The following MRPL28 variants were observed in gnomAD, a reference collection of about 807,000 sequenced individuals.
The protein encoded by MRPL28 is mitochondrial ribosomal protein L28.
A neutral mutation model predicts 26.2 loss-of-function variants in MRPL28; 25 were observed. The observed-to-expected ratio is 0.95, with a 90% CI of 0.69 to 1.33. The LOEUF (loss-of-function observed/expected upper bound fraction) is 1.33. Ranked by LOEUF, MRPL28 falls within the 40% of genes most tolerant of loss-of-function variation. The pLI is 0.00. For synonymous variants in MRPL28, 227 were observed against 140.1 expected (o/e 1.62, Z -4.38); for missense variants, 432 against 327.2 (o/e 1.32, Z -2.47).
In MRPL28 at chr16:367,650, G is replaced by T; in HGVS notation, c.*25C>A. 1.3e-6 allele frequency: 2 copies of T among 1,586,388 alleles called. No individual in the cohort carries two copies. The highest frequency in any genetic ancestry group is 1.3e-5 in the African/African-American group (1 of 74,354). ...CCTGGCAGGGAAAGCTGGGCCTGTT[G>T]GTCAGGCATGGAGGAGCTGTGTGGT... is the stretch of plus-strand genomic sequence containing the variant. On this transcript the variant is annotated 3_prime_UTR_variant, in exon 6 of 6. Transcript: ENST00000199706.
chr16:369,286 C>G lies in MRPL28; in HGVS notation c.289-66G>C, dbSNP rs940616236. The G allele has an allele frequency of 7.2e-6, 7 of 970,736 alleles. No individual in the cohort carries two copies. In the African/African-American group the frequency reaches 1.2e-4, roughly 17 times the overall value. The allele number at this position is 970,736 out of a possible 1,614,324, so 60.1% of individuals were successfully genotyped here. On this transcript the variant is annotated intron_variant, in intron 2 of 5. Transcript: ENST00000199706. ...TCTTACATACCAAGGGGGGCCCAGGCAACTGCCCTCACCTCCCCCCCGGAG... is the reference window on the plus strand; with the variant it reads ...TCTTACATACCAAGGGGGGCCCAGGGAACTGCCCTCACCTCCCCCCCGGAG...
rs2054291215 is a variant in MRPL28 at position 369,139 on chromosome 16, T to C, written c.370A>G (p.Thr124Ala). Residue 124 changes from threonine to alanine, a missense_variant, in exon 3 of 6, where the codon ACA becomes GCA. Physicochemically the swap from Thr to Ala is moderately conservative, Grantham distance 58 (BLOSUM62 0). Transcript: ENST00000199706. ...AGGGTCCGCATGGTCACAGTCACTG[T>C]GAACTTCTTGTCCAGGATCTCACTG... ...FYSEILDKKFTVTVTMRTLDL... is the reference protein window; with the variant it reads ...FYSEILDKKFAVTVTMRTLDL... The C allele has an allele frequency of 1.9e-6, 3 of 1,614,076 alleles. No individual in the cohort carries two copies. Among genetic ancestry groups the C allele is most frequent in the African/African-American group, 1.3e-5 (1 of 75,046 alleles).
chr16:367,837 TC>T, intron 5 of MRPL28, 55 bp from the exon 6 acceptor site: 1 of 1,489,692 alleles, frequency 6.7e-7, no homozygotes, highest in South Asian at 1.1e-5. Context: ...CAGCTGGAGT[TC>T]CGACGGGGAT....
In MRPL28 at chr16:370,058, G is replaced by A; in HGVS notation, c.161C>T (p.Pro54Leu). Reference sequence around the variant, plus strand: ...CACACGCTCCCGCTGCCCGTTCTTGGGGTTGATCTTGAACTTGGCCCCATG... The same window carrying A: ...CACACGCTCCCGCTGCCCGTTCTTGAGGTTGATCTTGAACTTGGCCCCATG... Reference protein sequence around the residue: ...RPHGAKFKINPKNGQRERVED... With the variant: ...RPHGAKFKINLKNGQRERVED... The change falls in exon 2 of 6, where the codon CCC (proline) becomes CTC (leucine). Residue 54 changes from proline (P) to leucine (L), a missense_variant. Pro to Leu is a moderately conservative substitution (Grantham distance 98, BLOSUM62 -3). Coordinates refer to ENST00000199706, the MANE Select transcript of MRPL28 (RefSeq NM_006428.5). 1.2e-6 allele frequency: 2 copies of A among 1,612,956 alleles called. No individual in the cohort carries two copies. The highest frequency in any genetic ancestry group is 1.7e-5 in the Admixed American group (1 of 59,956).
At chr16:368,677 C>A (rs767016532) in intron 3 of MRPL28, 42 bp from the exon 4 acceptor site, 4 of 1,517,912 alleles carry the variant, frequency 2.6e-6, no homozygotes, top group African/African-American at 1.4e-5. Flanking sequence ...GGTGGCAGGG[C>A]CCCACCTACC....
At chr16:368,218 C>T (rs2141745717) in intron 5 of MRPL28, 110 bp downstream of exon 5, 18 of 1,315,202 alleles carry the variant, frequency 1.4e-5, no homozygotes, top group Non-Finnish European at 1.9e-5. Flanking sequence ...CTTCCCCAAG[C>T]CCACCCAGTG....
intron 2 of MRPL28, chr16:369,698 C>A (rs1167997748): frequency 8.5e-6 from 6 of 704,940 alleles, no homozygotes; most frequent in South Asian, 3.0e-5. Context: ...CGACTCCCCA[C>A]GGCCTCTGGT....
rs780071719 is a variant in MRPL28 at position 369,609 on chromosome 16, G to A, written c.288+322C>T. 229 of 716,612 alleles carry A rather than the reference G, an allele frequency of 3.2e-4. No individual in the cohort carries two copies. In the Middle Eastern group the frequency reaches 5.5e-3, roughly 17 times the overall value. The allele number at this position is 716,612 out of a possible 1,614,324, so 44.4% of individuals were successfully genotyped here. A position where few individuals can be genotyped will look rare whatever the true frequency, so the allele number is the denominator to read the frequency against. ...CACAAGCAGCCTCGAAGCTCTGCTCGCCTCCCCCACCTGCTCTGCTCGCCT... is the reference window on the plus strand; with the variant it reads ...CACAAGCAGCCTCGAAGCTCTGCTCACCTCCCCCACCTGCTCTGCTCGCCT... On this transcript the variant is annotated intron_variant, in intron 2 of 5. Transcript: ENST00000199706.
rs1032263934 is a variant in MRPL28 at position 370,194 on chromosome 16, A to T, written c.25T>A (p.Trp9Arg). The T allele has an allele frequency of 2.6e-5, 42 of 1,597,342 alleles. No individual in the cohort carries two copies. Among genetic ancestry groups the T allele is most frequent in the Non-Finnish European group, 3.0e-5 (35 of 1,176,886 alleles). The change falls in exon 2 of 6, where the codon TGG (tryptophan) becomes AGG (arginine). Residue 9 changes from tryptophan to arginine, a missense_variant. Transcript: ENST00000199706. MPLHKYPV[W>R]LWKRLQLREG... ...CGCAGCTGCAGCCGCTTCCAGAGCC[A>T]CACGGGATACTTGTGTAGAGGCATC...
rs2054292992 is a variant in MRPL28 at position 369,238 on chromosome 16, C to T, written c.289-18G>A. ...TTGGAGAGCTGAGGGTGCAACAGAG[C>T]CTCCATGAGTACTGCTGCTTTCTCT... On this transcript the variant is annotated intron_variant, in intron 2 of 5. Transcript: ENST00000199706. 1.9e-6 allele frequency: 3 copies of T among 1,612,642 alleles called. No individual in the cohort carries two copies. Among genetic ancestry groups the T allele is most frequent in the Non-Finnish European group, 2.5e-6 (3 of 1,179,182 alleles).
chr16:370,062 T>A lies in MRPL28; in HGVS notation c.157A>T (p.Asn53Tyr). 6 of 1,612,972 alleles carry A rather than the reference T, an allele frequency of 3.7e-6. No individual in the cohort carries two copies. Among genetic ancestry groups the A allele is most frequent in the Non-Finnish European group, 5.1e-6 (6 of 1,179,746 alleles). The change falls in exon 2 of 6, where the codon AAC becomes TAC. Residue 53 changes from asparagine (N) to tyrosine (Y), a missense_variant. Asn to Tyr is a moderately radical substitution (Grantham distance 143). Transcript: ENST00000199706. Reference protein sequence around the residue: ...YRPHGAKFKINPKNGQRERVE... With the variant: ...YRPHGAKFKIYPKNGQRERVE... ...CGCTCCCGCTGCCCGTTCTTGGGGT[T>A]GATCTTGAACTTGGCCCCATGAGGC...
intron 3 of MRPL28, 108 bp downstream of exon 3, chr16:368,960 C>T (rs1399103768): frequency 7.3e-7 from 1 of 1,367,172 alleles, no homozygotes; most frequent in South Asian, 1.4e-5. Flanking sequence ...CAGTGACCCT[C>T]CTGTGCAGAT....
intron 2 of MRPL28, 26 bp downstream of exon 2, chr16:369,905 C>T (rs116402878): frequency 1.9e-6 from 3 of 1,589,744 alleles, no homozygotes; most frequent in Non-Finnish European, 2.6e-6. Flanking sequence ...CTGAGAGGAG[C>T]CCCTGAAGGC....
rs56116720 is a variant in MRPL28 at position 368,681 on chromosome 16, A to G, written c.442-46T>C. On this transcript the variant is annotated intron_variant, in intron 3 of 5. Coordinates refer to ENST00000199706, the MANE Select transcript of MRPL28 (RefSeq NM_006428.5). ...GGCCAGGTGCTGGTGGCAGGGCCCC[A>G]CCTACCCTTCCAGCCAACCCACCTG... The G allele has an allele frequency of 0.021, 31,626 of 1,517,264 alleles. 3,187 individuals carry two copies. The African/African-American group carries it at 0.28, about 14-fold the overall frequency. The allele number at this position is 1,517,264 out of a possible 1,614,324, so 94.0% of individuals were successfully genotyped here.
chr16:369,746 T>G, intron 2 of MRPL28, 185 bp downstream of exon 2: 1 of 843,544 alleles, frequency 1.2e-6, no homozygotes, highest in Non-Finnish European at 1.9e-6. Flanking sequence ...TCACCCCTAC[T>G]TTATCAGTCC....
At position 368,652 on chromosome 16, in the gene MRPL28, A is replaced by T; in HGVS notation, c.442-17T>A. ...CTTCGGGGTCTGGCAGAAGGCTCAC[A>T]TGGGGCCAGGTGCTGGTGGCAGGGC... On this transcript the variant is annotated splice_polypyrimidine_tract_variant and intron_variant, in intron 3 of 5. Coordinates refer to ENST00000199706, the MANE Select transcript of MRPL28 (RefSeq NM_006428.5). 6.5e-7 allele frequency: 1 copy of T among 1,535,854 alleles called. No homozygotes were observed. The highest frequency in any genetic ancestry group is 8.8e-7 in the Non-Finnish European group (1 of 1,141,162).
chr16:369,476 T>A (rs1007014254), intron 2 of MRPL28: 36 of 632,968 alleles, frequency 5.7e-5, no homozygotes, highest in African/African-American at 2.7e-4. Flanking sequence ...GGTTGCTGCA[T>A]GTGTTTCAGA....
intron 2 of MRPL28, 48 bp downstream of exon 2, chr16:369,883 C>G (rs1597152806): frequency 1.3e-6 from 2 of 1,569,454 alleles, no homozygotes; most frequent in African/African-American, 2.7e-5. Flanking sequence ...ACAGAGCCGG[C>G]ACAGCCAAGC....
At chr16:369,885 C>T (rs748544985) in intron 2 of MRPL28, 46 bp downstream of exon 2, 1 of 1,571,518 alleles carries the variant, frequency 6.4e-7, no homozygotes, top group Admixed American at 1.7e-5. Flanking sequence ...AGAGCCGGCA[C>T]AGCCAAGCCC....
Sources: allele counts gnomAD v4.1 joint callset, GRCh38; gene constraint gnomAD v4.1.1; transcripts MANE v1.5; gene names NCBI Gene and HGNC (gene_info 2026-07-23, HGNC 2026-07-21).